The following POLN variants were observed in gnomAD, a reference collection of about 807,000 sequenced individuals.
POLN encodes the protein DNA polymerase N.
In POLN, 108 loss-of-function variants were observed where a neutral mutation model predicts 113.5. The ratio of observed to expected loss-of-function variants is 0.95; its 90% CI spans 0.81 to 1.12. The LOEUF is 1.12. Ranked by LOEUF, POLN falls within the 50% of genes most tolerant of loss-of-function variation. POLN has a pLI of 0.00. For synonymous variants in POLN, 386 were observed against 391.5 expected, an observed-to-expected ratio of 0.99 and a Z score of 0.17; for missense variants, 1,097 against 1,077.1, an observed-to-expected ratio of 1.02 and a Z score of -0.26.
intron 2 of POLN, among the ~76,000 whole-genome samples, chr4:2,232,389 T>G (rs1433041026): frequency 4.6e-5 from 7 of 152,202 alleles, no homozygotes; most frequent in African/African-American, 1.7e-4. Flanking sequence ...AAGGAAACTC[T>G]TGCTGAAGTG....
Position 2,081,700 on chromosome 4 carries a change from C to A in POLN, c.2241G>T (p.Arg747Ser). 6.2e-7 allele frequency: 1 copy of A among 1,614,152 alleles called. No homozygotes were observed. The highest frequency in any genetic ancestry group is 8.5e-7 in the Non-Finnish European group (1 of 1,180,022). The change falls in exon 22 of 26, where the codon AGG (arginine) becomes AGT (serine). Residue 747 changes from arginine (R) to serine (S), a missense_variant. Arg to Ser is a moderately radical substitution (Grantham distance 110). Coordinates refer to ENST00000511885, the MANE Select transcript of POLN (RefSeq NM_181808.4). ...SIMGRRRPLP[R>S]IHAHDQQLRA... ...GGAGTTGCTGGTCATGAGCGTGAATCCTTGGCAGGGGTCTCCTTCTGCCCA... is the reference window on the plus strand; with the variant it reads ...GGAGTTGCTGGTCATGAGCGTGAATACTTGGCAGGGGTCTCCTTCTGCCCA...
At chr4:2,232,410 G>A (rs1487327318) in intron 2 of POLN, among the ~76,000 whole-genome samples, 1 of 152,154 alleles carries the variant, frequency 6.6e-6, no homozygotes, top group Non-Finnish European at 1.5e-5. Context: ...TACTCGATAT[G>A]TAAGCTGTTC....
At chr4:2,190,737 A>G (rs958007304) in intron 7 of POLN, among the ~76,000 whole-genome samples, 2 of 152,232 alleles carry the variant, frequency 1.3e-5, no homozygotes, top group Non-Finnish European at 2.9e-5. Context: ...TCTGAAAAGA[A>G]GATATACAAA....
At chr4:2,205,893 A>G (rs1367982530) in intron 5 of POLN, among the ~76,000 whole-genome samples, 1 of 147,322 alleles carries the variant, frequency 6.8e-6, no homozygotes, top group African/African-American at 2.6e-5. Flanking sequence ...AAAAAAAAAA[A>G]TCTTAAAATT....
rs113752366 is a variant in POLN at position 2,241,818 on chromosome 4, G to T, written c.-283-28C>A. On this transcript the variant is annotated intron_variant, in intron 1 of 25. Transcript: ENST00000511885. ...GACAAAACAAACGCACAAGCCCACCGAATCGCCGTCGACACCGAGCTGCAG... is the reference window on the plus strand; with the variant it reads ...GACAAAACAAACGCACAAGCCCACCTAATCGCCGTCGACACCGAGCTGCAG... The T allele has an allele frequency of 5.4e-4, 536 of 985,436 alleles. 5 individuals carry two copies. The highest frequency in any genetic ancestry group is 5.2e-4 in the Middle Eastern group (1 of 1,914). 61.0% of individuals were successfully genotyped at this position (985,436 alleles called of 1,614,324 possible). A position where few individuals can be genotyped will look rare whatever the true frequency, so the allele number is the denominator to read the frequency against.
chr4:2,113,084 T>C lies in POLN; in HGVS notation c.1982+15029A>G, dbSNP rs569817354. Among the ~76,000 whole-genome samples, 14 of 151,586 alleles carry C rather than the reference T, an allele frequency of 9.2e-5. 1 individual carries two copies. The South Asian group carries it at 1.5e-3, about 16-fold the overall frequency. On this transcript the variant is annotated intron_variant, in intron 19 of 25. Transcript: ENST00000511885. The stretch of plus-strand genomic sequence containing the variant: ...AAAAATGATGAGTTCATGTCCTTTG[T>C]AGGGACATGGATGAAGCTGGAAACC...
At chr4:2,186,710 C>A (rs923693413) in intron 7 of POLN, among the ~76,000 whole-genome samples, 1 of 152,132 alleles carries the variant, frequency 6.6e-6, no homozygotes, top group Non-Finnish European at 1.5e-5. Flanking sequence ...AAGAAATAGA[C>A]GTACATTCAC....
chr4:2,162,603 C>A (rs1355474561), intron 13 of POLN, among the ~76,000 whole-genome samples: 1 of 152,134 alleles, frequency 6.6e-6, no homozygotes, highest in Non-Finnish European at 1.5e-5. Flanking sequence ...ACTACAGGTG[C>A]ATGCCACCAT....
At chr4:2,119,144 GAC>G (rs1244673252) in intron 19 of POLN, among the ~76,000 whole-genome samples, 1 of 152,198 alleles carries the variant, frequency 6.6e-6, no homozygotes, top group Non-Finnish European at 1.5e-5. Context: ...GGCAAGTAGA[GAC>G]AGTCTCAGAG....
rs549393025 is a variant in POLN, at chr4:2,204,232, A to G, written c.714+3755T>C. Among the ~76,000 whole-genome samples, 189 of 152,148 alleles carry G rather than the reference A, an allele frequency of 1.2e-3. 1 individual carries two copies. Among genetic ancestry groups the G allele is most frequent in the African/African-American group, 4.3e-3 (180 of 41,526 alleles). On this transcript the variant is annotated intron_variant, in intron 5 of 25. Coordinates refer to ENST00000511885, the MANE Select transcript of POLN (RefSeq NM_181808.4). ...AGAAAATAAGAGAAAAAATCCAAATAAGCTCAATTAGAAACAAAATGGGAG... is the reference window on the plus strand; with the variant it reads ...AGAAAATAAGAGAAAAAATCCAAATGAGCTCAATTAGAAACAAAATGGGAG...
chr4:2,104,486 C>T (rs1459668202), intron 19 of POLN, among the ~76,000 whole-genome samples: 1 of 152,224 alleles, frequency 6.6e-6, no homozygotes, highest in African/African-American at 2.4e-5. Flanking sequence ...ACAGTGGCTG[C>T]ACCATTTACC....
rs1207818812 is a variant in POLN, at chr4:2,157,968, G to T, written c.1612-57C>A. ...TTTAAGTCTTAAGTCTTTTTTTGTG[G>T]GGGGAAGGAGTCTCGCTCCATTGCC... On this transcript the variant is annotated intron_variant, in intron 14 of 25. Transcript: ENST00000511885. 5.7e-5 allele frequency: 79 copies of T among 1,395,432 alleles called. 1 individual carries two copies. The East Asian group carries it at 1.9e-3, about 33-fold the overall frequency. The allele number at this position is 1,395,432 out of a possible 1,614,324, so 86.4% of individuals were successfully genotyped here. A position where few individuals can be genotyped will look rare whatever the true frequency, so the allele number is the denominator to read the frequency against.
At chr4:2,108,943 G>C (rs1332263334) in intron 19 of POLN, among the ~76,000 whole-genome samples, 1 of 152,138 alleles carries the variant, frequency 6.6e-6, no homozygotes, top group Non-Finnish European at 1.5e-5. Flanking sequence ...TTTCCACCGA[G>C]AGTGGTGGTT....
intron 18 of POLN, among the ~76,000 whole-genome samples, chr4:2,128,757 G>T (rs1731649061): frequency 6.6e-6 from 1 of 152,162 alleles, no homozygotes; most frequent in Non-Finnish European, 1.5e-5. Context: ...CTGTGCCTTA[G>T]AATTTATTTG....
chr4:2,129,924 C>T (rs1577710933), intron 17 of POLN, among the ~76,000 whole-genome samples: 1 of 151,944 alleles, frequency 6.6e-6, no homozygotes, highest in East Asian at 1.9e-4. Context: ...TCTCCTTGGA[C>T]CCTATTTCAG....
At chr4:2,161,469 G>A (rs375695092) in intron 13 of POLN, among the ~76,000 whole-genome samples, 3 of 152,228 alleles carry the variant, frequency 2.0e-5, no homozygotes, top group Non-Finnish European at 2.9e-5. Context: ...CCGGCGCTGC[G>A]CTCGATTTCT....
intron 3 of POLN, among the ~76,000 whole-genome samples, chr4:2,216,305 T>C (rs1281049212): frequency 6.6e-6 from 1 of 152,170 alleles, no homozygotes; most frequent in Non-Finnish European, 1.5e-5. Context: ...CAGAGGAGTG[T>C]GAGGGAGAAA....
At chr4:2,205,811 G>A (rs867413257) in intron 5 of POLN, among the ~76,000 whole-genome samples, 1 of 151,228 alleles carries the variant, frequency 6.6e-6, no homozygotes, top group Middle Eastern at 3.4e-3. Flanking sequence ...GGAGGCAGAG[G>A]TTGCAGTGAG....
Position 2,139,846 on chromosome 4 carries a change from T to C in POLN, c.1732-8556A>G, listed in dbSNP as rs954171054. ...ATAGCACTTATATCATTTATGTGGG[T>C]CCTAATGAAAACAGAGCCTAAAGAC... is the stretch of plus-strand genomic sequence containing the variant. On this transcript the variant is annotated intron_variant, in intron 16 of 25. Transcript: ENST00000511885. The C allele has an allele frequency of 4.6e-5, 7 of 150,788 alleles. 1 individual carries two copies. The highest frequency in any genetic ancestry group is 2.0e-4 in the Admixed American group (3 of 15,078). The allele number at this position is 150,788 out of a possible 1,614,324, so 9.3% of individuals were successfully genotyped here. A position where few individuals can be genotyped will look rare whatever the true frequency, so the allele number is the denominator to read the frequency against.
Sources: allele counts gnomAD v4.1 joint callset (sites outside exome capture counted in the v4.1 genomes callset), GRCh38; gene constraint gnomAD v4.1.1; transcripts MANE v1.5; gene names NCBI Gene and HGNC (gene_info 2026-07-23, HGNC 2026-07-21).